DOCK1: variants seen among roughly 807,000 people sequenced by gnomAD.
The protein encoded by DOCK1 is dedicator of cytokinesis protein 1.
Under a neutral mutation model 262.7 loss-of-function variants are expected in DOCK1, and 138 were observed. The observed-to-expected ratio is 0.53, with a 90% CI of 0.46 to 0.61. The LOEUF (loss-of-function observed/expected upper bound fraction) is 0.61. Among genes scored for constraint, DOCK1 ranks in the 20% least tolerant of loss-of-function variants. DOCK1 has a pLI of 0.00. For synonymous variants in DOCK1, 866 were observed against 867.4 expected, an observed-to-expected ratio of 1.00 and a Z score of 0.03; for missense variants, 1,908 against 2,370.7, an observed-to-expected ratio of 0.80 and a Z score of 4.05.
chr10:126,996,535 A>ATTTTTTTTTT (rs10538924), intron 6 of DOCK1, among the ~76,000 whole-genome samples: 3 of 136,208 alleles, frequency 2.2e-5, no homozygotes. Context: ...AAAATTGAGG[A>ATTTTTTTTTT]TTTTTTTTTT....
chr10:127,403,542 G>A lies in DOCK1; in HGVS notation c.4017+398G>A, dbSNP rs1442319421. Reference sequence around the variant, plus strand: ...TGGGAGGCTAAGGCAGGCGGATCACGAGGTCAGGAGATCAAGACCATCCTG... The same window carrying A: ...TGGGAGGCTAAGGCAGGCGGATCACAAGGTCAGGAGATCAAGACCATCCTG... On this transcript the variant is annotated intron_variant, in intron 39 of 51. Coordinates refer to ENST00000623213, the MANE Select transcript of DOCK1 (RefSeq NM_001290223.2). Among the ~76,000 whole-genome samples, 7 of 152,138 alleles carry A rather than the reference G, an allele frequency of 4.6e-5. No homozygotes were observed. The South Asian group carries it at 6.2e-4, about 14-fold the overall frequency.
chr10:127,443,729 A>G (rs1361283139), intron 49 of DOCK1, among the ~76,000 whole-genome samples: 1 of 152,076 alleles, frequency 6.6e-6, no homozygotes, highest in Non-Finnish European at 1.5e-5. Context: ...TTCCCTCCTG[A>G]TCAGCATGTA....
At chr10:127,342,382 T>C (rs2063472361) in intron 30 of DOCK1, among the ~76,000 whole-genome samples, 1 of 152,118 alleles carries the variant, frequency 6.6e-6, no homozygotes, top group Non-Finnish European at 1.5e-5. Context: ...GCTCTGAGGT[T>C]GGGGGTGCCT....
chr10:127,451,699 G>C lies in DOCK1; in HGVS notation c.*272G>C. The stretch of plus-strand genomic sequence containing the variant: ...CCTCTGAGTGTGTCTGGCTCTGAGA[G>C]AGTCTGAGTCTTGCCCAAACATTCT... On this transcript the variant is annotated 3_prime_UTR_variant, in exon 52 of 52. Transcript: ENST00000623213. 1.8e-6 allele frequency: 1 copy of C among 557,078 alleles called. No homozygotes were observed. Among genetic ancestry groups the C allele is most frequent in the South Asian group, 2.4e-5 (1 of 41,776 alleles). 34.5% of individuals were successfully genotyped at this position (557,078 alleles called of 1,614,324 possible).
rs189140790 is a variant in DOCK1, at chr10:127,377,635, C to T, written c.3676-2447C>T. ...AAATAGGTCCGGGTGTGGTGGCTCA[C>T]GCCTGTTGCACTTTGGGAGGCCAAG... On this transcript the variant is annotated intron_variant, in intron 35 of 51. Transcript: ENST00000623213. Among the ~76,000 whole-genome samples the T allele has an allele frequency of 3.5e-4, 53 of 151,980 alleles. No individual in the cohort carries two copies. The East Asian group carries it at 6.8e-3, about 19-fold the overall frequency.
At chr10:127,326,895 C>T (rs1017096893) in intron 29 of DOCK1, among the ~76,000 whole-genome samples, 1 of 152,206 alleles carries the variant, frequency 6.6e-6, no homozygotes, top group East Asian at 1.9e-4. Flanking sequence ...CCTCCTTGTA[C>T]ATCTCCATCA....
At chr10:127,212,903 G>A (rs181944255) in intron 27 of DOCK1, among the ~76,000 whole-genome samples, 1 of 150,574 alleles carries the variant, frequency 6.6e-6, no homozygotes, top group African/African-American at 2.4e-5. Flanking sequence ...TTGGAAAAAT[G>A]TTTTCATTTA....
chr10:127,276,614 C>T lies in DOCK1; in HGVS notation c.3044+19185C>T, dbSNP rs967445884. 3.9e-5 allele frequency among the ~76,000 whole-genome samples: 6 copies of T among 152,276 alleles called. No homozygotes were observed. The South Asian group carries it at 6.2e-4, about 16-fold the overall frequency. On this transcript the variant is annotated intron_variant, in intron 29 of 51. Transcript: ENST00000623213. ...GACATTTCAGGCTCTAGCTGTGGGA[C>T]GCTTCAGGCAGGCAGCCTGATCTTT...
chr10:127,352,754 A>G lies in DOCK1; in HGVS notation c.3225-1915A>G, dbSNP rs542400924. Among the ~76,000 whole-genome samples, 80 of 152,190 alleles carry G rather than the reference A, an allele frequency of 5.3e-4. No homozygotes were observed. In the South Asian group the frequency reaches 5.6e-3, roughly 11 times the overall value. On this transcript the variant is annotated intron_variant, in intron 31 of 51. Coordinates refer to ENST00000623213, the MANE Select transcript of DOCK1 (RefSeq NM_001290223.2). ...ATTACAGACATGTGCCACCACGCCC[A>G]GCTAATTTTTGTATTTTTAGTGGAG... is the stretch of plus-strand genomic sequence containing the variant.
intron 27 of DOCK1, among the ~76,000 whole-genome samples, chr10:127,204,294 G>C (rs977638673): frequency 3.3e-5 from 5 of 152,134 alleles, no homozygotes; most frequent in African/African-American, 1.2e-4. Flanking sequence ...TGTTTTGTTT[G>C]GTTTGGTTTT....
chr10:127,097,037 G>T (rs2047949176), intron 23 of DOCK1, among the ~76,000 whole-genome samples: 1 of 152,102 alleles, frequency 6.6e-6, no homozygotes, highest in Admixed American at 6.5e-5. Flanking sequence ...CCTGGGAGGT[G>T]GAGGTTGCAG....
chr10:127,393,071 G>A lies in DOCK1; in HGVS notation c.3927+8162G>A, dbSNP rs1451070409. ...TTACCGACCTGACTGAGAGCGCCACGTGCACCAGGCTCACGTCCTGAGCGT... is the reference window on the plus strand; with the variant it reads ...TTACCGACCTGACTGAGAGCGCCACATGCACCAGGCTCACGTCCTGAGCGT... On this transcript the variant is annotated intron_variant, in intron 38 of 51. Coordinates refer to ENST00000623213, the MANE Select transcript of DOCK1 (RefSeq NM_001290223.2). 3.3e-5 allele frequency among the ~76,000 whole-genome samples: 5 copies of A among 152,332 alleles called. No individual in the cohort carries two copies. The South Asian group carries it at 6.2e-4, about 19-fold the overall frequency.
chr10:127,020,903 A>G (rs2042374079), intron 13 of DOCK1, among the ~76,000 whole-genome samples: 1 of 152,154 alleles, frequency 6.6e-6, no homozygotes, highest in East Asian at 1.9e-4. Context: ...CCCATCACCC[A>G]GCGGCCTGCT....
intron 4 of DOCK1, among the ~76,000 whole-genome samples, chr10:126,982,572 A>G (rs1401221193): frequency 6.6e-6 from 1 of 152,244 alleles, no homozygotes; most frequent in African/African-American, 2.4e-5. Flanking sequence ...TGTCTCTGCT[A>G]CATCTTCACA....
chr10:127,316,985 C>T (rs1397110263), intron 29 of DOCK1, among the ~76,000 whole-genome samples: 1 of 152,204 alleles, frequency 6.6e-6, no homozygotes, highest in Non-Finnish European at 1.5e-5. Context: ...GTCCACTGTG[C>T]CGTCACTGGC....
chr10:127,222,895 T>C (rs1402244036), intron 27 of DOCK1, among the ~76,000 whole-genome samples: 4 of 152,100 alleles, frequency 2.6e-5, no homozygotes, highest in Non-Finnish European at 4.4e-5. Context: ...CAGACTGGTC[T>C]CAAACACCTG....
chr10:127,063,289 A>T (rs1302621576), intron 23 of DOCK1, among the ~76,000 whole-genome samples: 1 of 152,182 alleles, frequency 6.6e-6, no homozygotes, highest in Non-Finnish European at 1.5e-5. Flanking sequence ...GTCGCTTCCC[A>T]GCCTTAAAGC....
chr10:127,216,960 C>T (rs1026689825), intron 27 of DOCK1, among the ~76,000 whole-genome samples: 13 of 152,084 alleles, frequency 8.5e-5, no homozygotes, highest in African/African-American at 2.9e-4. Flanking sequence ...GGTTGAAATC[C>T]GAGCCTCTGC....
intron 23 of DOCK1, among the ~76,000 whole-genome samples, chr10:127,095,921 T>C (rs150589996): frequency 0.013 from 1,950 of 152,316 alleles, 22 homozygotes; most frequent in Non-Finnish European, 0.018. Flanking sequence ...AACACGCAGA[T>C]ACTTGTGGGA....
Sources: allele counts gnomAD v4.1 joint callset (sites outside exome capture counted in the v4.1 genomes callset), GRCh38; gene constraint gnomAD v4.1.1; transcripts MANE v1.5; gene names NCBI Gene and HGNC (gene_info 2026-07-23, HGNC 2026-07-21).